The following IFNGR1 variants were observed in gnomAD, a reference collection of about 807,000 sequenced individuals.
IFNGR1 encodes AVP, type 2.
Under a neutral mutation model 35.4 loss-of-function variants are expected in IFNGR1, and 23 were observed. That is an observed-to-expected ratio of 0.65 (90% CI 0.47 to 0.92). The LOEUF (loss-of-function observed/expected upper bound fraction) is 0.92, where lower values mean the gene tolerates loss of function less well. IFNGR1 is among the 40% of genes least tolerant of loss of function. The pLI is 0.00. For synonymous variants in IFNGR1, 199 were observed against 209.5 expected, an observed-to-expected ratio of 0.95 and a Z score of 0.43; for missense variants, 533 against 583.4, an observed-to-expected ratio of 0.91 and a Z score of 0.89.
chr6:137,199,603 G>T (rs1779229639), intron 6 of IFNGR1, among the ~76,000 whole-genome samples: 1 of 95,908 alleles, frequency 1.0e-5, no homozygotes. Context: ...TATATAAAGG[G>T]GAGTTTATTT....
intron 3 of IFNGR1, 26 bp from the exon 4 acceptor site, chr6:137,204,530 A>G: frequency 6.4e-7 from 1 of 1,553,614 alleles, no homozygotes; most frequent in Non-Finnish European, 8.9e-7. Flanking sequence ...GAGGAAGTAT[A>G]ATAAATACTG....
Position 137,219,329 on chromosome 6 carries a change from C to G in IFNGR1, c.-2G>C. ...GGGTAGGAGAAAGAGGAGAGCCATGCTGCTACCGACGGTCGCTGGCTCCAA... is the reference window on the plus strand; with the variant it reads ...GGGTAGGAGAAAGAGGAGAGCCATGGTGCTACCGACGGTCGCTGGCTCCAA... On this transcript the variant is annotated 5_prime_UTR_variant, in exon 1 of 7. Coordinates refer to ENST00000367739, the MANE Select transcript of IFNGR1 (RefSeq NM_000416.3). The G allele has an allele frequency of 5.6e-6, 9 of 1,604,178 alleles. No homozygotes were observed. Among genetic ancestry groups the G allele is most frequent in the Non-Finnish European group, 6.8e-6 (8 of 1,175,822 alleles).
Position 137,205,692 on chromosome 6 carries a change from G to A in IFNGR1, c.373+444C>T, listed in dbSNP as rs566471820. Among the ~76,000 whole-genome samples the A allele has an allele frequency of 9.2e-5, 14 of 152,250 alleles. No homozygotes were observed. In the South Asian group the frequency reaches 2.7e-3, roughly 29 times the overall value. On this transcript the variant is annotated intron_variant, in intron 3 of 6. Transcript: ENST00000367739. ...GCACAGACCCATAATTGTATGAAGT[G>A]GAAATGTCATGGCATAGAAGCAGCT...
chr6:137,217,325 T>C (rs555620194), intron 1 of IFNGR1, among the ~76,000 whole-genome samples: 3 of 152,330 alleles, frequency 2.0e-5, no homozygotes, highest in Non-Finnish European at 4.4e-5. Context: ...TCCAATGATG[T>C]CAGCATTAGT....
intron 1 of IFNGR1, among the ~76,000 whole-genome samples, chr6:137,214,872 T>A (rs1487961843): frequency 6.6e-6 from 1 of 152,224 alleles, no homozygotes; most frequent in Admixed American, 6.5e-5. Context: ...GATGGAAGAA[T>A]GAGTTAGCTG....
At position 137,206,287 on chromosome 6, in the gene IFNGR1, A is replaced by T. The variant is rs763024620; in HGVS notation, c.222T>A (p.Ile74=). The T allele has an allele frequency of 6.2e-7, 1 of 1,607,066 alleles. No homozygotes were observed. The highest frequency in any genetic ancestry group is 2.2e-5 in the East Asian group (1 of 44,828). The change falls in exon 3 of 7, where the codon ATT becomes ATA. Residue 74 remains isoleucine (I), a synonymous_variant. Transcript: ENST00000367739. ...GATGAGAAATATTGATGCAGGCATC[A>T]ATCCATTCTGAATTCTTAACACTAA... ...KNYGVKNSEW[I]DACINISHHY...
At chr6:137,201,999 C>A (rs184552772) in intron 5 of IFNGR1, among the ~76,000 whole-genome samples, 133 of 150,968 alleles carry the variant, frequency 8.8e-4, no homozygotes, top group East Asian at 7.2e-3. Flanking sequence ...TCATAGTTCT[C>A]TCTTCCAAAT....
At position 137,197,860 on chromosome 6, in the gene IFNGR1, C is replaced by G; in HGVS notation, c.*171G>C. On this transcript the variant is annotated 3_prime_UTR_variant, in exon 7 of 7. Transcript: ENST00000367739. ...AAAAAAAAAGTCTGTACTTTACAAG[C>G]CAAAAGTGAAAATGCCACACATCCT... 1.2e-6 allele frequency: 1 copy of G among 822,326 alleles called. No individual in the cohort carries two copies. The highest frequency in any genetic ancestry group is 1.9e-6 in the Non-Finnish European group (1 of 532,800). The allele number at this position is 822,326 out of a possible 1,614,324, so 50.9% of individuals were successfully genotyped here.
At chr6:137,213,057 A>G (rs1475024292) in intron 1 of IFNGR1, among the ~76,000 whole-genome samples, 2 of 152,206 alleles carry the variant, frequency 1.3e-5, no homozygotes, top group Non-Finnish European at 1.5e-5. Flanking sequence ...TATTTGCCAA[A>G]ATAATATGAC....
chr6:137,199,557 A>ATTT (rs1582630035), intron 6 of IFNGR1, among the ~76,000 whole-genome samples: 4 of 29,166 alleles, frequency 1.4e-4, no homozygotes, highest in African/African-American at 4.4e-4. Context: ...ATAACATATA[A>ATTT]AATATATATA....
At chr6:137,205,769 G>A (rs563824655) in intron 3 of IFNGR1, among the ~76,000 whole-genome samples, 45 of 152,132 alleles carry the variant, frequency 3.0e-4, no homozygotes, top group Admixed American at 7.2e-4. Context: ...AGAAGGGGAG[G>A]ATACAGGTTG....
At chr6:137,212,418 T>C (rs1478658293) in intron 1 of IFNGR1, among the ~76,000 whole-genome samples, 4 of 152,096 alleles carry the variant, frequency 2.6e-5, no homozygotes, top group African/African-American at 7.2e-5. Flanking sequence ...CCACCAGACA[T>C]GGCTAATTTT....
At chr6:137,209,177 G>A (rs1779517921) in intron 1 of IFNGR1, among the ~76,000 whole-genome samples, 2 of 152,186 alleles carry the variant, frequency 1.3e-5, no homozygotes, top group Admixed American at 1.3e-4. Flanking sequence ...ACTGTATCTA[G>A]GAAGTAACTA....
rs1474303095 is a variant in IFNGR1 at position 137,203,576 on chromosome 6, C to T, written c.656G>A (p.Gly219Glu). 1.9e-6 allele frequency: 3 copies of T among 1,613,572 alleles called. No homozygotes were observed. Among genetic ancestry groups the T allele is most frequent in the African/African-American group, 2.7e-5 (2 of 74,912 alleles). Residue 219 changes from glycine to glutamate, a missense_variant, in exon 5 of 7, where the codon GGA becomes GAA. Coordinates refer to ENST00000367739, the MANE Select transcript of IFNGR1 (RefSeq NM_000416.3). The part of the protein sequence containing the change: ...LNSQYCVSAE[G>E]VLHVWGVTTE... ...TGTAACACCCCACACATGTAAGACT[C>T]CTTCTGCTGAAACACAGTACTGAGA...
intron 1 of IFNGR1, chr6:137,218,384 T>C: frequency 1.3e-6 from 1 of 770,574 alleles, no homozygotes; most frequent in Admixed American, 2.3e-5. Flanking sequence ...ATTTGTTTTC[T>C]AGGAAATGTC....
intron 3 of IFNGR1, 42 bp from the exon 4 acceptor site, chr6:137,204,546 G>A: frequency 7.1e-7 from 1 of 1,407,348 alleles, no homozygotes; most frequent in South Asian, 1.2e-5. Flanking sequence ...TACTGGCCTT[G>A]GAACTAAATG....
At chr6:137,202,124 G>C (rs1779291810) in intron 5 of IFNGR1, among the ~76,000 whole-genome samples, 1 of 151,886 alleles carries the variant, frequency 6.6e-6, no homozygotes, top group Admixed American at 6.6e-5. Context: ...CTTATTACAG[G>C]GTGTGAAAAA....
At position 137,206,564 on chromosome 6, in the gene IFNGR1, A is replaced by C. The variant is rs1313001050; in HGVS notation, c.201-256T>G. The C allele has an allele frequency of 1.9e-5, 8 of 429,996 alleles. No individual in the cohort carries two copies. The South Asian group carries it at 2.3e-4, about 12-fold the overall frequency. The allele number at this position is 429,996 out of a possible 1,614,324, so 26.6% of individuals were successfully genotyped here. A position where few individuals can be genotyped will look rare whatever the true frequency, so the allele number is the denominator to read the frequency against. ...CACATTCCACATTCAATTTTTTAAAAATCTGTTTTTTTAAACAACTCTAAA... is the reference window on the plus strand; with the variant it reads ...CACATTCCACATTCAATTTTTTAAACATCTGTTTTTTTAAACAACTCTAAA... On this transcript the variant is annotated intron_variant, in intron 2 of 6. Transcript: ENST00000367739.
intron 3 of IFNGR1, among the ~76,000 whole-genome samples, chr6:137,204,904 T>TTTC (rs1415533251): frequency 1.9e-4 from 29 of 152,318 alleles, no homozygotes; most frequent in Middle Eastern, 3.4e-3. Flanking sequence ...TGGCATTAGT[T>TTTC]TTCTTCCCTC....
Sources: allele counts gnomAD v4.1 joint callset (sites outside exome capture counted in the v4.1 genomes callset), GRCh38; gene constraint gnomAD v4.1.1; transcripts MANE v1.5; gene names NCBI Gene and HGNC (gene_info 2026-07-23, HGNC 2026-07-21).